The following CHD9 variants were observed in gnomAD, a reference collection of about 807,000 sequenced individuals.
CHD9 encodes chromodomain helicase DNA binding protein 9, also known as ATP-dependent chromatin remodeler CHD9.
In CHD9, 77 loss-of-function variants were observed where a neutral mutation model predicts 316.1. The ratio of observed to expected loss-of-function variants is 0.24; its 90% CI spans 0.20 to 0.29. CHD9 has a LOEUF of 0.29. Ranked by LOEUF, CHD9 falls within the 10% of genes least tolerant of loss-of-function variation. The pLI is 1.00. For synonymous variants in CHD9, 1,129 were observed against 1,158.3 expected (o/e 0.97, Z 0.51); for missense variants, 2,763 against 3,438.1 (o/e 0.80, Z 4.91).
At chr16:53,205,965 A>T (rs1007169286) in intron 2 of CHD9, among the ~76,000 whole-genome samples, 2 of 151,034 alleles carry the variant, frequency 1.3e-5, no homozygotes, top group African/African-American at 2.4e-5. Flanking sequence ...TTTTTTTTTT[A>T]AATTAAGACA....
chr16:53,060,975 A>C (rs2032825469), intron 1 of CHD9, among the ~76,000 whole-genome samples: 1 of 137,918 alleles, frequency 7.3e-6, no homozygotes, highest in Non-Finnish European at 1.5e-5. Context: ...GCCCAGGCTG[A>C]AGTGAAATGG....
chr16:53,232,432 G>T (rs2048259169), intron 10 of CHD9, among the ~76,000 whole-genome samples: 1 of 152,096 alleles, frequency 6.6e-6, no homozygotes. Flanking sequence ...ATATGTTATA[G>T]GCCTTGGTAA....
chr16:53,136,815 G>C (rs1235522603), intron 1 of CHD9, among the ~76,000 whole-genome samples: 1 of 151,966 alleles, frequency 6.6e-6, no homozygotes, highest in African/African-American at 2.4e-5. Flanking sequence ...TTCTTTTCTA[G>C]TTATTCCCTT....
chr16:53,257,998 C>T (rs1350395785), intron 19 of CHD9, among the ~76,000 whole-genome samples: 1 of 152,096 alleles, frequency 6.6e-6, no homozygotes, highest in Non-Finnish European at 1.5e-5. Flanking sequence ...TTAGGCCAAA[C>T]ATGGAGATAC....
intron 23 of CHD9, among the ~76,000 whole-genome samples, chr16:53,274,009 T>A (rs1405459600): frequency 6.6e-6 from 1 of 152,178 alleles, no homozygotes; most frequent in African/African-American, 2.4e-5. Context: ...CATTATATCT[T>A]ACTTGTATAT....
rs577190642 is a variant in CHD9 at position 53,125,226 on chromosome 16, T to A, written c.-164-30700T>A. Among the ~76,000 whole-genome samples the A allele has an allele frequency of 1.7e-3, 241 of 144,856 alleles. 2 individuals carry two copies. Among genetic ancestry groups the A allele is most frequent in the South Asian group, 6.6e-3 (29 of 4,388 alleles). ...TCATGGTTCAAGTTAGGATTTTTTTTTTTTTTTTTTTTTTTGAGATGGAGT... is the reference window on the plus strand; with the variant it reads ...TCATGGTTCAAGTTAGGATTTTTTTATTTTTTTTTTTTTTTGAGATGGAGT... On this transcript the variant is annotated intron_variant, in intron 1 of 38. Transcript: ENST00000447540.
intron 31 of CHD9, among the ~76,000 whole-genome samples, chr16:53,305,937 G>C (rs977699922): frequency 2.0e-5 from 3 of 152,236 alleles, no homozygotes; most frequent in African/African-American, 7.2e-5. Context: ...TAAAAATAGT[G>C]AGTAATGAAG....
chr16:53,155,697 A>G (rs761491865), intron 1 of CHD9, among the ~76,000 whole-genome samples: 2 of 152,142 alleles, frequency 1.3e-5, no homozygotes, highest in Non-Finnish European at 1.5e-5. Flanking sequence ...ACCAATCACC[A>G]GTCCTTTCTA....
intron 1 of CHD9, among the ~76,000 whole-genome samples, chr16:53,068,646 C>T (rs974936725): frequency 3.3e-5 from 5 of 152,222 alleles, no homozygotes; most frequent in Admixed American, 6.5e-5. Context: ...CTGCAGCCCT[C>T]ATCACTTTTA....
At chr16:53,145,227 C>T (rs1053027757) in intron 1 of CHD9, among the ~76,000 whole-genome samples, 4 of 151,512 alleles carry the variant, frequency 2.6e-5, no homozygotes, top group Admixed American at 6.6e-5. Flanking sequence ...TCTCAGCTCA[C>T]TGCAACCTCC....
At chr16:53,222,989 T>C (rs1044925179) in intron 4 of CHD9, among the ~76,000 whole-genome samples, 2 of 152,216 alleles carry the variant, frequency 1.3e-5, no homozygotes, top group African/African-American at 4.8e-5. Context: ...ATAATGAAAC[T>C]GAAGCCCAGA....
rs1440820879 is a variant in CHD9, at chr16:53,325,089, A to G, written c.*194A>G. On this transcript the variant is annotated 3_prime_UTR_variant, in exon 39 of 39. Coordinates refer to ENST00000447540, the MANE Select transcript of CHD9 (RefSeq NM_001308319.2). ...AAGATTCATAAGTTTCTGAACTCGT[A>G]TGTACTATCAAATACATAAAGGTGT... 2.0e-6 allele frequency: 1 copy of G among 491,648 alleles called. No homozygotes were observed. Among genetic ancestry groups the G allele is most frequent in the Non-Finnish European group, 3.6e-6 (1 of 279,314 alleles). 30.5% of individuals were successfully genotyped at this position (491,648 alleles called of 1,614,324 possible).
intron 10 of CHD9, among the ~76,000 whole-genome samples, chr16:53,232,035 G>T (rs989413274): frequency 2.0e-5 from 3 of 152,028 alleles, no homozygotes; most frequent in Non-Finnish European, 4.4e-5. Flanking sequence ...GTAAGAGAAG[G>T]AAATGAATTA....
chr16:53,166,327 A>G (rs1028670988), intron 2 of CHD9, among the ~76,000 whole-genome samples: 1 of 152,150 alleles, frequency 6.6e-6, no homozygotes, highest in Non-Finnish European at 1.5e-5. Flanking sequence ...TAAGGGTAAG[A>G]GGTGAACAGA....
chr16:53,089,989 T>C (rs1045892060), intron 1 of CHD9, among the ~76,000 whole-genome samples: 6 of 152,362 alleles, frequency 3.9e-5, no homozygotes, highest in African/African-American at 1.4e-4. Context: ...GGCTGGTTCC[T>C]GGACTTCTTT....
chr16:53,223,550 T>G (rs2047412220), intron 4 of CHD9: 1 of 152,588 alleles, frequency 6.6e-6, no homozygotes, highest in African/African-American at 2.4e-5. Flanking sequence ...ATGGCCTGGC[T>G]TTTTCATCAT....
rs2055685129 is a variant in CHD9 at position 53,303,948 on chromosome 16, G to A, written c.5942G>A (p.Arg1981Gln). ...GGTGCTGCCAAACACGGGGTGAGCC[G>A]AACAGACTATCACATTCTTCGTGAT... ...LIGAAKHGVSRTDYHILRDPE... is the reference protein window; with the variant it reads ...LIGAAKHGVSQTDYHILRDPE... Residue 1981 changes from arginine (R) to glutamine (Q), a missense_variant, in exon 31 of 39, where the codon CGA becomes CAA. Physicochemically the swap from Arg to Gln is conservative, Grantham distance 43 (BLOSUM62 1). This residue lies in a region of CHD9 where 663 missense variants were observed against 751.2 expected (regional missense o/e 0.88). Transcript: ENST00000447540. 3.1e-6 allele frequency: 5 copies of A among 1,613,850 alleles called. No individual in the cohort carries two copies. The highest frequency in any genetic ancestry group is 1.1e-5 in the South Asian group (1 of 91,082).
intron 1 of CHD9, among the ~76,000 whole-genome samples, chr16:53,098,505 A>G (rs1220154507): frequency 6.6e-6 from 1 of 151,750 alleles, no homozygotes; most frequent in Non-Finnish European, 1.5e-5. Context: ...AAGAAAGAAA[A>G]GCTGGGAGGC....
intron 8 of CHD9, among the ~76,000 whole-genome samples, chr16:53,230,500 A>T (rs1020538095): frequency 1.3e-5 from 2 of 152,100 alleles, no homozygotes; most frequent in African/African-American, 4.8e-5. Context: ...TAGTTTGTGG[A>T]TGCTGGGAGG....
Sources: gnomAD v4.1 joint callset for allele counts (sites outside exome capture counted in the v4.1 genomes callset) on GRCh38, gnomAD v4.1.1 for gene constraint, gnomAD v4.1.1 regional missense constraint, MANE v1.5 for transcripts, NCBI Gene and HGNC (gene_info 2026-07-23, HGNC 2026-07-21) for gene names.